The following KIF26B variants were observed in gnomAD, a reference collection of about 807,000 sequenced individuals.
KIF26B encodes kinesin-like protein KIF26B.
In KIF26B, 63 loss-of-function variants were observed where a neutral mutation model predicts 151.2. The observed-to-expected ratio is 0.42, with a 90% CI of 0.34 to 0.51. The LOEUF is 0.51. Among genes scored for constraint, KIF26B ranks in the 20% least tolerant of loss-of-function variants. The pLI is 0.07. For synonymous variants in KIF26B, 1,357 were observed against 1,262.1 expected, an observed-to-expected ratio of 1.08 and a Z score of -1.59; for missense variants, 2,813 against 2,913.6, an observed-to-expected ratio of 0.97 and a Z score of 0.79.
chr1:245,687,713 T>C lies in KIF26B; in HGVS notation c.4730T>C (p.Leu1577Pro), dbSNP rs2147956907. Residue 1577 changes from leucine (L) to proline (P), a missense_variant, in exon 12 of 15, where the codon CTG (leucine) becomes CCG (proline). Coordinates refer to ENST00000407071, the MANE Select transcript of KIF26B (RefSeq NM_018012.4). The surrounding 1 kb of genome is among the most constrained non-coding windows in gnomAD (Gnocchi z 4.9). ...ASGTPPSKAT[L>P]EGKVASPKHC... ...GGCACCCCGCCCTCCAAGGCTACCCTGGAGGGGAAGGTGGCTTCCCCCAAG... is the reference window on the plus strand; with the variant it reads ...GGCACCCCGCCCTCCAAGGCTACCCCGGAGGGGAAGGTGGCTTCCCCCAAG... The C allele has an allele frequency of 6.3e-7, 1 of 1,581,714 alleles. No homozygotes were observed. Among genetic ancestry groups the C allele is most frequent in the Non-Finnish European group, 8.6e-7 (1 of 1,164,266 alleles).
At chr1:245,636,350 GT>G (rs34284207) in intron 9 of KIF26B, among the ~76,000 whole-genome samples, 69,761 of 145,366 alleles carry the variant, frequency 0.48, 16,470 homozygotes, top group East Asian at 0.59. Flanking sequence ...ATTATAGAAC[GT>G]TTTTTTTTTT....
intron 4 of KIF26B, among the ~76,000 whole-genome samples, chr1:245,471,115 A>G (rs1659903025): frequency 7.0e-6 from 1 of 142,464 alleles, no homozygotes; most frequent in Non-Finnish European, 1.6e-5. Flanking sequence ...TTTTGATAGT[A>G]TGTGTGTGTG....
In KIF26B at chr1:245,191,528, A is replaced by C. The variant is rs112001235; in HGVS notation, c.465+34845A>C. ...TATATATAAAAAAATCTAGAAGGAA[A>C]TATATGGATAAAGAAGTTTCTAAGC... On this transcript the variant is annotated intron_variant, in intron 2 of 14. Coordinates refer to ENST00000407071, the MANE Select transcript of KIF26B (RefSeq NM_018012.4). Among the ~76,000 whole-genome samples the C allele has an allele frequency of 8.6e-3, 1,314 of 152,282 alleles. 21 individuals are homozygous for C. The highest frequency in any genetic ancestry group is 0.03 in the African/African-American group (1,249 of 41,550).
rs762222140 is a variant in KIF26B, at chr1:245,366,890, G to A, written c.522G>A (p.Arg174=). Residue 174 remains arginine, a synonymous_variant, in exon 3 of 15, where the codon CGG becomes CGA. Coordinates refer to ENST00000407071, the MANE Select transcript of KIF26B (RefSeq NM_018012.4). ...HDKLQVPNTI[R]KAWNDRDNRC... ...AACTCCAGGTCCCCAACACCATCCG[G>A]AAGGCATGGAACGACCGGGACAACC... 5.0e-6 allele frequency: 8 copies of A among 1,613,902 alleles called. No homozygotes were observed. Among genetic ancestry groups the A allele is most frequent in the African/African-American group, 1.3e-5 (1 of 74,926 alleles).
intron 4 of KIF26B, among the ~76,000 whole-genome samples, chr1:245,426,930 A>C (rs1358286010): frequency 6.6e-6 from 1 of 152,174 alleles, no homozygotes; most frequent in Non-Finnish European, 1.5e-5. Flanking sequence ...ATCTTGTATG[A>C]TGAAGGCTTT....
At chr1:245,190,288 C>T (rs537342044) in intron 2 of KIF26B, among the ~76,000 whole-genome samples, 3 of 152,322 alleles carry the variant, frequency 2.0e-5, no homozygotes, top group East Asian at 1.9e-4. Flanking sequence ...GCTCCACAGC[C>T]GGGTGCTCAG....
chr1:245,335,892 C>G (rs1056404067), intron 2 of KIF26B, among the ~76,000 whole-genome samples: 1 of 143,074 alleles, frequency 7.0e-6, no homozygotes, highest in Admixed American at 7.1e-5. Flanking sequence ...GAGGGTCCCA[C>G]GCAGGGAAAG....
At chr1:245,605,848 C>T (rs1366093454) in intron 6 of KIF26B, among the ~76,000 whole-genome samples, 1 of 152,174 alleles carries the variant, frequency 6.6e-6, no homozygotes, top group Non-Finnish European at 1.5e-5. Flanking sequence ...AGCAGGTCTC[C>T]TCTCGCCCCC....
chr1:245,423,593 C>G (rs988365908), intron 4 of KIF26B, among the ~76,000 whole-genome samples: 1 of 151,582 alleles, frequency 6.6e-6, no homozygotes, highest in Non-Finnish European at 1.5e-5. Context: ...ACAAAAACAA[C>G]AGAAAAACCC....
chr1:245,219,550 T>C (rs1669722357), intron 2 of KIF26B, among the ~76,000 whole-genome samples: 1 of 151,962 alleles, frequency 6.6e-6, no homozygotes, highest in South Asian at 2.1e-4. Flanking sequence ...CTGGGCAACA[T>C]GGAGAAACTC....
chr1:245,473,869 T>C (rs972039113), intron 4 of KIF26B, among the ~76,000 whole-genome samples: 1 of 151,880 alleles, frequency 6.6e-6, no homozygotes, highest in Admixed American at 6.6e-5. Context: ...AGTGCAGCTC[T>C]GCTCTCTCGG....
chr1:245,670,297 ATG>A (rs1318479488), intron 10 of KIF26B, among the ~76,000 whole-genome samples: 1 of 144,360 alleles, frequency 6.9e-6, no homozygotes, highest in Non-Finnish European at 1.5e-5. Context: ...CACACACACA[ATG>A]TATATGTCTA....
intron 3 of KIF26B, among the ~76,000 whole-genome samples, chr1:245,419,104 G>A (rs1203100751): frequency 1.3e-5 from 2 of 152,138 alleles, no homozygotes; most frequent in Non-Finnish European, 2.9e-5. Flanking sequence ...ACCCCCACCA[G>A]CACCACCAAA....
chr1:245,594,928 C>A (rs1240214163), intron 5 of KIF26B, among the ~76,000 whole-genome samples: 1 of 152,004 alleles, frequency 6.6e-6, no homozygotes, highest in African/African-American at 2.4e-5. Context: ...CTCTTTGTAG[C>A]AATTGTGAAT....
chr1:245,373,817 T>C (rs1673184169), intron 3 of KIF26B, among the ~76,000 whole-genome samples: 2 of 151,668 alleles, frequency 1.3e-5, no homozygotes, highest in Non-Finnish European at 2.9e-5. Context: ...ATTTCAGCAC[T>C]TTGGGAGGCC....
Position 245,258,951 on chromosome 1 carries a change from A to G in KIF26B, c.465+102268A>G, listed in dbSNP as rs540081926. Among the ~76,000 whole-genome samples, 4 of 152,318 alleles carry G rather than the reference A, an allele frequency of 2.6e-5. No homozygotes were observed. The East Asian group carries it at 7.7e-4, about 29-fold the overall frequency. On this transcript the variant is annotated intron_variant, in intron 2 of 14. Coordinates refer to ENST00000407071, the MANE Select transcript of KIF26B (RefSeq NM_018012.4). Reference sequence around the variant, plus strand: ...GCCTCTGGCATGAAGAGTAAAAGCAAGGCCACATAAAAATCACAGGTGCCC... The same window carrying G: ...GCCTCTGGCATGAAGAGTAAAAGCAGGGCCACATAAAAATCACAGGTGCCC...
intron 5 of KIF26B, among the ~76,000 whole-genome samples, chr1:245,541,570 G>A (rs1174918908): frequency 1.3e-5 from 2 of 152,206 alleles, no homozygotes; most frequent in African/African-American, 2.4e-5. Flanking sequence ...CGAGGAAAGC[G>A]TTTGGGTGAA....
At chr1:245,196,662 T>C (rs901723121) in intron 2 of KIF26B, among the ~76,000 whole-genome samples, 1 of 152,150 alleles carries the variant, frequency 6.6e-6, no homozygotes, top group African/African-American at 2.4e-5. Context: ...TTAACGGACC[T>C]CAGAATTCTC....
At chr1:245,561,978 G>A (rs533508089) in intron 5 of KIF26B, among the ~76,000 whole-genome samples, 21 of 152,256 alleles carry the variant, frequency 1.4e-4, no homozygotes, top group Middle Eastern at 3.4e-3. Context: ...GATGCTGAAG[G>A]GCACTCTTCA....
Sources: allele counts gnomAD v4.1 joint callset (sites outside exome capture counted in the v4.1 genomes callset), GRCh38; gene constraint gnomAD v4.1.1; non-coding constraint Gnocchi (gnomAD v3.1); transcripts MANE v1.5; gene names NCBI Gene and HGNC (gene_info 2026-07-23, HGNC 2026-07-21).